Variants in ASH1L observed in about 807,000 individuals in gnomAD.
ASH1L encodes ASH1 like histone lysine methyltransferase.
In ASH1L, 23 loss-of-function variants were observed where a neutral mutation model predicts 269.0. The observed-to-expected ratio is 0.09, with a 90% CI of 0.06 to 0.12. ASH1L has a LOEUF of 0.12. Among genes scored for constraint, ASH1L ranks in the 10% least tolerant of loss-of-function variants. The pLI is 1.00. For missense variants in ASH1L, 2,912 were observed against 3,567.8 expected, an observed-to-expected ratio of 0.82 and a Z score of 4.68; for synonymous variants, 1,187 against 1,253.5, an observed-to-expected ratio of 0.95 and a Z score of 1.12.
At position 155,378,307 on chromosome 1, in the gene ASH1L, C is replaced by A; in HGVS notation, c.6306G>T (p.Lys2102Asn). Residue 2102 changes from lysine to asparagine, a missense_variant, in exon 10 of 28, where the codon AAG becomes AAT. This residue lies in a region of ASH1L where 193 missense variants were observed against 311.6 expected (regional missense o/e 0.62). Transcript: ENST00000392403. ...TATTGAGGCAGTCATCAACACAGCC[C>A]TTCCTGGTGTCATCATCTGGCTTCT... ...NCKKPDDDTRKGCVDDCLNRM... is the reference protein window; with the variant it reads ...NCKKPDDDTRNGCVDDCLNRM... 6.2e-7 allele frequency: 1 copy of A among 1,614,136 alleles called. No homozygotes were observed. The highest frequency in any genetic ancestry group is 8.5e-7 in the Non-Finnish European group (1 of 1,180,006).
intron 2 of ASH1L, 21 bp downstream of exon 2, chr1:155,521,079 A>G: frequency 6.4e-7 from 1 of 1,565,898 alleles, no homozygotes; most frequent in Non-Finnish European, 8.6e-7. Context: ...ATAACCACAT[A>G]TTGTTAGGAA....
In ASH1L at chr1:155,480,520, T is replaced by C. The variant is rs909776559; in HGVS notation, c.2350A>G (p.Lys784Glu). ...FLKRRLPKLS[K>E]STAPSLALLA... ...AGAGCAAGAGATGGAGCTGTGGATT[T>C]GCTCAACTTTGGCAATCGGCGTTTA... The change falls in exon 3 of 28, where the codon AAA (lysine) becomes GAA (glutamate). Residue 784 changes from lysine (K) to glutamate (E), a missense_variant. This residue lies in a region of ASH1L where 715 missense variants were observed against 721.0 expected (regional missense o/e 0.99). Coordinates refer to ENST00000392403, the MANE Select transcript of ASH1L (RefSeq NM_018489.3). 9 of 1,614,052 alleles carry C rather than the reference T, an allele frequency of 5.6e-6. No individual in the cohort carries two copies. The highest frequency in any genetic ancestry group is 7.6e-6 in the Non-Finnish European group (9 of 1,179,996).
chr1:155,454,414 G>A (rs1315739114), intron 4 of ASH1L, among the ~76,000 whole-genome samples: 1 of 152,156 alleles, frequency 6.6e-6, no homozygotes, highest in East Asian at 1.9e-4. Flanking sequence ...TCAATACAAA[G>A]ATTATGGAAG....
At chr1:155,531,451 G>C (rs997275380) in intron 1 of ASH1L, among the ~76,000 whole-genome samples, 3 of 151,536 alleles carry the variant, frequency 2.0e-5, no homozygotes, top group Non-Finnish European at 4.4e-5. Flanking sequence ...CCGCCTCCCG[G>C]GTTCAAGCAA....
At chr1:155,476,249 G>T (rs1274015287) in intron 3 of ASH1L, among the ~76,000 whole-genome samples, 1 of 151,938 alleles carries the variant, frequency 6.6e-6, no homozygotes, top group Non-Finnish European at 1.5e-5. Context: ...AGCCGGGTGT[G>T]GTGGCATGCA....
intron 2 of ASH1L, among the ~76,000 whole-genome samples, chr1:155,501,704 C>A (rs112914103): frequency 1.6e-3 from 243 of 152,212 alleles, no homozygotes; most frequent in African/African-American, 5.7e-3. Flanking sequence ...CGCTCTGTCA[C>A]CAGGCTGAAG....
intron 16 of ASH1L, 29 bp from the exon 17 acceptor site, chr1:155,352,887 C>T (rs1410586908): frequency 1.3e-6 from 2 of 1,583,684 alleles, no homozygotes; most frequent in Non-Finnish European, 1.7e-6. Context: ...AATTAAGTTA[C>T]AGGAAACAAG....
intron 2 of ASH1L, among the ~76,000 whole-genome samples, chr1:155,492,301 CCA>C (rs1666861266): frequency 6.7e-6 from 1 of 148,560 alleles, no homozygotes; most frequent in South Asian, 2.1e-4. Flanking sequence ...CCTCGGCCTC[CCA>C]AAGTGCTGGG....
intron 5 of ASH1L, 68 bp from the exon 6 acceptor site, chr1:155,415,991 T>TA (rs375529558): frequency 0.17 from 155,752 of 934,956 alleles, 1 homozygote; most frequent in East Asian, 0.24. Flanking sequence ...ATTGTCTACT[T>TA]AAAAAAAAAA....
intron 3 of ASH1L, among the ~76,000 whole-genome samples, chr1:155,461,799 A>AG (rs1664318335): frequency 1.5e-5 from 2 of 129,594 alleles, no homozygotes; most frequent in African/African-American, 5.5e-5. Context: ...GAGGGGTTTG[A>AG]GGGTTTTTTT....
chr1:155,433,505 G>A, intron 5 of ASH1L: 1 of 1,610,470 alleles, frequency 6.2e-7, no homozygotes, highest in South Asian at 1.1e-5. Context: ...CAACTCCGAT[G>A]GCACCTCCCT....
chr1:155,529,539 T>C (rs1669515327), intron 1 of ASH1L, among the ~76,000 whole-genome samples: 2 of 152,168 alleles, frequency 1.3e-5, no homozygotes, highest in Non-Finnish European at 2.9e-5. Context: ...AATCATTTTT[T>C]TTCTCATAGA....
chr1:155,499,097 C>A (rs1411702101), intron 2 of ASH1L, among the ~76,000 whole-genome samples: 8 of 151,902 alleles, frequency 5.3e-5, no homozygotes, highest in Non-Finnish European at 8.8e-5. Context: ...CACTGAAGCC[C>A]CAAATTCTAT....
chr1:155,549,571 G>C (rs1671057663), intron 1 of ASH1L, among the ~76,000 whole-genome samples: 1 of 149,902 alleles, frequency 6.7e-6, no homozygotes, highest in African/African-American at 2.5e-5. Flanking sequence ...GTTGCAGTGA[G>C]CCGAGATCGT....
intron 21 of ASH1L, 94 bp downstream of exon 21, chr1:155,346,289 A>G: frequency 6.4e-7 from 1 of 1,554,170 alleles, no homozygotes; most frequent in Non-Finnish European, 8.8e-7. Flanking sequence ...CAACCTATTA[A>G]AGGAAATTCT....
intron 4 of ASH1L, among the ~76,000 whole-genome samples, chr1:155,441,452 TC>T (rs1038483592): frequency 2.8e-5 from 3 of 108,986 alleles, no homozygotes; most frequent in African/African-American, 9.0e-5. Flanking sequence ...GAATAAAGAA[TC>T]CTTTTTTTTT....
intron 5 of ASH1L, among the ~76,000 whole-genome samples, chr1:155,422,653 G>GTTT (rs111943951): frequency 7.2e-6 from 1 of 138,256 alleles, no homozygotes; most frequent in African/African-American, 2.6e-5. Flanking sequence ...TTTTCTTTCT[G>GTTT]TTTTTTTTTT....
chr1:155,452,376 A>C (rs1663549851), intron 4 of ASH1L, among the ~76,000 whole-genome samples: 1 of 152,056 alleles, frequency 6.6e-6, no homozygotes, highest in African/African-American at 2.4e-5. Flanking sequence ...CCACAATTAA[A>C]AAAAATTTTT....
chr1:155,505,576 G>A (rs1252637614), intron 2 of ASH1L, among the ~76,000 whole-genome samples: 7 of 152,042 alleles, frequency 4.6e-5, no homozygotes, highest in East Asian at 3.8e-4. Context: ...AAAGGCACAC[G>A]AAAGATACAA....
Sources: gnomAD v4.1 joint callset for allele counts (sites outside exome capture counted in the v4.1 genomes callset) on GRCh38, gnomAD v4.1.1 for gene constraint, gnomAD v4.1.1 regional missense constraint, MANE v1.5 for transcripts, NCBI Gene and HGNC (gene_info 2026-07-23, HGNC 2026-07-21) for gene names.